Variants in STS observed in about 807,000 individuals in gnomAD.
The protein encoded by STS is steryl-sulfatase.
In STS, 7 loss-of-function variants were observed where a neutral mutation model predicts 26.8. The observed-to-expected ratio is 0.26, with a 90% confidence interval of 0.15 to 0.49. The LOEUF (loss-of-function observed/expected upper bound fraction) is 0.49. Among genes scored for constraint, STS ranks in the 20% least tolerant of loss-of-function variants. The pLI, the probability that STS is intolerant of heterozygous loss-of-function variation, is 0.98. For missense variants in STS, 434 were observed against 465.6 expected, an observed-to-expected ratio of 0.93 and a Z score of 0.63; for synonymous variants, 199 against 189.4, an observed-to-expected ratio of 1.05 and a Z score of -0.42.
At position 7,257,595 on chromosome X, in the gene STS, A is replaced by G; in HGVS notation, c.382+7A>G. 8.3e-7 allele frequency: 1 copy of G among 1,211,698 alleles called. No homozygotes were observed. Among genetic ancestry groups the G allele is most frequent in the Non-Finnish European group, 1.1e-6 (1 of 895,435 alleles). ...TATTCAACAGCACTGATAGGTATGG[A>G]CATCTATGGGATGGGAACCATCTAT... On this transcript the variant is annotated splice_region_variant and intron_variant, in intron 5 of 10. Coordinates refer to ENST00000674429, the MANE Select transcript of STS (RefSeq NM_001320752.2).
intron 2 of STS, among the ~76,000 whole-genome samples, chrX:7,241,903 C>T (rs1184229756): frequency 1.8e-5 from 2 of 111,640 alleles, no homozygotes; most frequent in African/African-American, 6.5e-5. Context: ...GGACTTAGTT[C>T]CTTGCAGGAT....
intron 8 of STS, among the ~76,000 whole-genome samples, chrX:7,324,851 C>G (rs1927317524): frequency 9.0e-6 from 1 of 111,675 alleles, no homozygotes; most frequent in African/African-American, 3.3e-5. Flanking sequence ...TCAGACAATG[C>G]AGGGTAATCT....
intron 8 of STS, among the ~76,000 whole-genome samples, chrX:7,321,856 G>A (rs1258573553): frequency 8.9e-6 from 1 of 111,937 alleles, no homozygotes; most frequent in East Asian, 2.8e-4. Flanking sequence ...TTGTCATGAA[G>A]GGTGAGGAAG....
intron 6 of STS, among the ~76,000 whole-genome samples, chrX:7,270,760 C>G (rs1321488983): frequency 2.7e-5 from 3 of 111,636 alleles, no homozygotes; most frequent in African/African-American, 9.8e-5. Flanking sequence ...AGGAGGATTC[C>G]CCTGCATTCC....
chrX:7,333,942 A>C (rs1477505019), intron 9 of STS, 44 bp from the exon 10 acceptor site: 39 of 1,210,521 alleles, frequency 3.2e-5, no homozygotes, highest in Non-Finnish European at 4.1e-5. Flanking sequence ...ATTTGAGAAC[A>C]CAGGACTGAT....
chrX:7,207,168 C>CA (rs1211593967), intron 2 of STS, among the ~76,000 whole-genome samples: 3 of 111,533 alleles, frequency 2.7e-5, no homozygotes, highest in Non-Finnish European at 5.7e-5. Flanking sequence ...TCAGCCTGGG[C>CA]AACTGAGTGG....
chrX:7,217,867 T>C (rs73192680), intron 2 of STS, among the ~76,000 whole-genome samples: 26,195 of 110,965 alleles, frequency 0.24, 3,088 homozygotes, highest in Non-Finnish European at 0.35. Context: ...TTAACATTTG[T>C]ATTTTACAAC....
At chrX:7,188,283 G>C (rs1231541991) in intron 1 of STS, among the ~76,000 whole-genome samples, 3 of 111,350 alleles carry the variant, frequency 2.7e-5, no homozygotes, top group African/African-American at 9.8e-5. Context: ...CCTTGGCACT[G>C]TTGACACTTG....
chrX:7,169,790 C>T (rs918863277), intron 1 of STS, among the ~76,000 whole-genome samples: 29 of 109,481 alleles, frequency 2.6e-4, no homozygotes, highest in African/African-American at 7.7e-4. Context: ...ATTTCTGAGA[C>T]TCGTTTGTTT....
At chrX:7,301,560 G>A (rs1267447590) in intron 7 of STS, among the ~76,000 whole-genome samples, 1 of 111,690 alleles carries the variant, frequency 9.0e-6, no homozygotes, top group Non-Finnish European at 1.9e-5. Context: ...TTGATAAGCT[G>A]TGATTAACTG....
At chrX:7,195,153 T>C (rs1933950373) in intron 2 of STS, among the ~76,000 whole-genome samples, 1 of 112,173 alleles carries the variant, frequency 8.9e-6, no homozygotes, top group Non-Finnish European at 1.9e-5. Context: ...CAATGTTTCT[T>C]TTCCATGTTG....
chrX:7,215,056 T>C (rs1476095062), intron 2 of STS, among the ~76,000 whole-genome samples: 1 of 93,559 alleles, frequency 1.1e-5, no homozygotes, highest in Non-Finnish European at 2.1e-5. Flanking sequence ...TATATACGTA[T>C]ATATGTATAT....
rs756031979 is a variant in STS at position 7,351,668 on chromosome X, A to G, written c.*1407A>G. ...TTTATCTCTTTTGTGGACTTGTCTGACCACCTTCTATTTGCCCAGAGTTTG... is the reference window on the plus strand; with the variant it reads ...TTTATCTCTTTTGTGGACTTGTCTGGCCACCTTCTATTTGCCCAGAGTTTG... On this transcript the variant is annotated 3_prime_UTR_variant, in exon 11 of 11. Transcript: ENST00000674429. The G allele has an allele frequency of 9.0e-6, 1 of 111,626 alleles. No homozygotes were observed. Among genetic ancestry groups the G allele is most frequent in the African/African-American group, 3.3e-5 (1 of 30,696 alleles). 9.2% of individuals were successfully genotyped at this position (111,626 alleles called of 1,213,427 possible). A position where few individuals can be genotyped will look rare whatever the true frequency, so the allele number is the denominator to read the frequency against.
At chrX:7,330,085 G>C (rs1029341487) in intron 9 of STS, among the ~76,000 whole-genome samples, 2 of 111,456 alleles carry the variant, frequency 1.8e-5, no homozygotes, top group African/African-American at 3.3e-5. Context: ...AAATTTCAGT[G>C]TCCATCACCC....
At chrX:7,279,706 G>A (rs745352349) in intron 7 of STS, among the ~76,000 whole-genome samples, 1 of 109,968 alleles carries the variant, frequency 9.1e-6, no homozygotes, top group Non-Finnish European at 1.9e-5. Context: ...GTGGGGGTCT[G>A]GATCTTAGGT....
chrX:7,299,178 G>T (rs1601724089), intron 7 of STS, among the ~76,000 whole-genome samples: 1 of 89,420 alleles, frequency 1.1e-5, no homozygotes, highest in African/African-American at 4.2e-5. Context: ...TATATATAAA[G>T]TATATAAATA....
intron 2 of STS, among the ~76,000 whole-genome samples, chrX:7,214,712 C>T (rs1179302497): frequency 9.3e-6 from 1 of 108,061 alleles, no homozygotes; most frequent in Non-Finnish European, 1.9e-5. Flanking sequence ...CCCTTTCCCC[C>T]TGAGTCCCCA....
At chrX:7,318,547 T>C (rs1233801462) in intron 8 of STS, among the ~76,000 whole-genome samples, 1 of 111,947 alleles carries the variant, frequency 8.9e-6, no homozygotes, top group Non-Finnish European at 1.9e-5. Flanking sequence ...TCTCCCTTTA[T>C]AGCTTTAGAA....
At chrX:7,314,050 A>G (rs1208366919) in intron 8 of STS, among the ~76,000 whole-genome samples, 2 of 111,538 alleles carry the variant, frequency 1.8e-5, no homozygotes, top group Non-Finnish European at 3.8e-5. Context: ...AAAGCAGCTC[A>G]GTATTTCTAG....
Sources: allele counts gnomAD v4.1 joint callset (sites outside exome capture counted in the v4.1 genomes callset), GRCh38; gene constraint gnomAD v4.1.1; transcripts MANE v1.5; gene names NCBI Gene and HGNC (gene_info 2026-07-23, HGNC 2026-07-21).